Variants in TARBP1 observed in about 807,000 individuals in gnomAD.
TARBP1 encodes tRNA (guanosine(18)-2'-O)-methyltransferase TARBP1.
Under a neutral mutation model 178.6 loss-of-function variants are expected in TARBP1, and 144 were observed. The ratio of observed to expected loss-of-function variants is 0.81; its 90% confidence interval spans 0.70 to 0.93. The LOEUF is 0.93. Among genes scored for constraint, TARBP1 ranks in the 40% least tolerant of loss-of-function variants. The pLI, the probability that TARBP1 is intolerant of heterozygous loss-of-function variation, is 0.00. For synonymous variants in TARBP1, 787 were observed against 781.0 expected (o/e 1.01, Z -0.13); for missense variants, 2,067 against 2,011.7 (o/e 1.03, Z -0.53).
intron 25 of TARBP1, among the ~76,000 whole-genome samples, chr1:234,400,044 A>C (rs1445993131): frequency 2.5e-5 from 1 of 40,194 alleles, no homozygotes; most frequent in African/African-American, 9.4e-5. Flanking sequence ...AATAATAATA[A>C]AATAAAAACA....
rs74869729 is a variant in TARBP1, at chr1:234,425,752, T to G, written c.3365A>C (p.Lys1122Thr). ...GGAGCCATCTAATAAACACAGGAAT[T>G]TGACAGCACAAATTCTCACATAATG... Reference protein sequence around the residue: ...EDHYVRICAVKFLCLLDGSNM... With the variant: ...EDHYVRICAVTFLCLLDGSNM... The change falls in exon 20 of 30, where the codon AAA (lysine) becomes ACA (threonine). Residue 1122 changes from lysine to threonine, a missense_variant. Physicochemically the swap from Lys to Thr is moderately conservative, Grantham distance 78 (BLOSUM62 -1). Transcript: ENST00000040877. 1 of 1,604,834 alleles carries G rather than the reference T, an allele frequency of 6.2e-7. No homozygotes were observed. Among genetic ancestry groups the G allele is most frequent in the Non-Finnish European group, 8.5e-7 (1 of 1,172,402 alleles).
rs998547532 is a variant in TARBP1 at position 234,427,730 on chromosome 1, T to C, written c.3097A>G (p.Thr1033Ala). 2 of 1,474,290 alleles carry C rather than the reference T, an allele frequency of 1.4e-6. No homozygotes were observed. The highest frequency in any genetic ancestry group is 1.8e-6 in the Non-Finnish European group (2 of 1,115,996). 91.3% of individuals were successfully genotyped at this position (1,474,290 alleles called of 1,614,324 possible). A position where few individuals can be genotyped will look rare whatever the true frequency, so the allele number is the denominator to read the frequency against. Residue 1033 changes from threonine to alanine, a missense_variant, in exon 18 of 30, where the codon ACT becomes GCT. Physicochemically the swap from Thr to Ala is moderately conservative, Grantham distance 58. Transcript: ENST00000040877. ...CTTATCAGTGTATTGAAGACTCCAG[T>C]CTTTATAGCAGACATTTCAATTATC... is the stretch of plus-strand genomic sequence containing the variant. The part of the protein sequence containing the change: ...YKIIEMSAIK[T>A]GVFNTLISYC...
chr1:234,417,180 G>A (rs550127590), intron 22 of TARBP1, among the ~76,000 whole-genome samples: 49 of 152,262 alleles, frequency 3.2e-4, no homozygotes, highest in Non-Finnish European at 5.3e-4. Flanking sequence ...AAATGGAGTG[G>A]ACCTCAGTGA....
intron 26 of TARBP1, among the ~76,000 whole-genome samples, chr1:234,394,367 G>A (rs1266922326): frequency 6.6e-6 from 1 of 152,256 alleles, no homozygotes; most frequent in African/African-American, 2.4e-5. Context: ...TGAGGACACA[G>A]AACGTTACTA....
intron 12 of TARBP1, among the ~76,000 whole-genome samples, chr1:234,445,824 T>C (rs1256194147): frequency 6.6e-6 from 1 of 151,834 alleles, no homozygotes; most frequent in African/African-American, 2.4e-5. Flanking sequence ...ATATATAACT[T>C]TTATATAACT....
At position 234,427,713 on chromosome 1, in the gene TARBP1, T is replaced by C. The variant is rs756856240; in HGVS notation, c.3114A>G (p.Thr1038=). ...MSAIKTGVFN[T]LISYCCQSWI... is the part of the protein sequence containing the mutation. ...AAGACTGACAGCAGTAACTTATCAG[T>C]GTATTGAAGACTCCAGTCTTTATAG... is the stretch of plus-strand genomic sequence containing the variant. The change falls in exon 18 of 30, where the codon ACA becomes ACG. Residue 1038 remains threonine (T), a synonymous_variant. Transcript: ENST00000040877. 1.3e-6 allele frequency: 2 copies of C among 1,528,854 alleles called. No homozygotes were observed. Among genetic ancestry groups the C allele is most frequent in the Admixed American group, 2.4e-5 (1 of 41,676 alleles). The allele number at this position is 1,528,854 out of a possible 1,614,324, so 94.7% of individuals were successfully genotyped here. A position where few individuals can be genotyped will look rare whatever the true frequency, so the allele number is the denominator to read the frequency against.
chr1:234,402,272 G>A (rs1412480811), intron 24 of TARBP1, among the ~76,000 whole-genome samples: 1 of 152,170 alleles, frequency 6.6e-6, no homozygotes, highest in African/African-American at 2.4e-5. Flanking sequence ...TTTCTGCACT[G>A]TTCAACTTCC....
Position 234,465,642 on chromosome 1 carries a change from T to C in TARBP1, c.1301+14A>G. 4 of 1,556,344 alleles carry C rather than the reference T, an allele frequency of 2.6e-6. No individual in the cohort carries two copies. The highest frequency in any genetic ancestry group is 1.3e-5 in the South Asian group (1 of 79,236). ...TGTATGTATCAAATACTTCATAACA[T>C]AATGTCTCTTTACCTGCTATACAGA... On this transcript the variant is annotated intron_variant, in intron 5 of 29. Coordinates refer to ENST00000040877, the MANE Select transcript of TARBP1 (RefSeq NM_005646.4).
At chr1:234,399,091 C>A (rs1660419380) in intron 25 of TARBP1, among the ~76,000 whole-genome samples, 1 of 152,220 alleles carries the variant, frequency 6.6e-6, no homozygotes, top group South Asian at 2.1e-4. Flanking sequence ...CAGATTACAA[C>A]AACATATTAA....
At chr1:234,421,145 A>G (rs1663041426) in intron 20 of TARBP1, among the ~76,000 whole-genome samples, 2 of 152,026 alleles carry the variant, frequency 1.3e-5, no homozygotes, top group East Asian at 1.9e-4. Flanking sequence ...CTGGAGTGCA[A>G]TGGCGTGATC....
chr1:234,455,326 TC>T (rs1390915243), intron 9 of TARBP1, among the ~76,000 whole-genome samples: 4 of 152,204 alleles, frequency 2.6e-5, no homozygotes, highest in Admixed American at 6.5e-5. Context: ...ATTCTAGGAC[TC>T]CATTCTGCAG....
At chr1:234,469,077 T>TAAAAAAAAAAAAAAAAAAAAAAAAAAA (rs1327979551) in intron 3 of TARBP1, among the ~76,000 whole-genome samples, 1 of 63,764 alleles carries the variant, frequency 1.6e-5, no homozygotes, top group Non-Finnish European at 2.9e-5. Context: ...TTTTTTTTTT[T>TAAAAAAAAAAAAAAAAAAAAAAAAAAA]AAAAAAAAAA....
rs1274322659 is a variant in TARBP1, at chr1:234,422,567, T to A, written c.3445-1755A>T. ...GAACTCATGGAGATAGAAAATAGAA[T>A]GATGGTTGCCACAGAGGCTGGGAGG... On this transcript the variant is annotated intron_variant, in intron 20 of 29. Transcript: ENST00000040877. 3.3e-5 allele frequency among the ~76,000 whole-genome samples: 5 copies of A among 151,790 alleles called. No individual in the cohort carries two copies. In the East Asian group the frequency reaches 9.7e-4, roughly 29 times the overall value.
intron 26 of TARBP1, among the ~76,000 whole-genome samples, chr1:234,396,633 A>G (rs1472669722): frequency 6.6e-6 from 1 of 152,156 alleles, no homozygotes; most frequent in Non-Finnish European, 1.5e-5. Context: ...GAATGAATAA[A>G]TTTAGGATAG....
At position 234,424,401 on chromosome 1, in the gene TARBP1, C is replaced by T. The variant is rs139118473; in HGVS notation, c.3444+1272G>A. Among the ~76,000 whole-genome samples, 108 of 152,312 alleles carry T rather than the reference C, an allele frequency of 7.1e-4. 1 individual carries two copies. The East Asian group carries it at 0.011, about 16-fold the overall frequency. On this transcript the variant is annotated intron_variant, in intron 20 of 29. Coordinates refer to ENST00000040877, the MANE Select transcript of TARBP1 (RefSeq NM_005646.4). The stretch of plus-strand genomic sequence containing the variant: ...ATGATTTAGCAGGCTCAAAAACAAC[C>T]TAACTGGATTGTTTTTATCTGAATA...
chr1:234,425,156 C>T (rs867025313), intron 20 of TARBP1, among the ~76,000 whole-genome samples: 62 of 152,022 alleles, frequency 4.1e-4, no homozygotes, highest in African/African-American at 1.4e-3. Context: ...ACCTGGGAGG[C>T]GGAGGTTGCA....
chr1:234,461,306 G>T (rs1050981687), intron 6 of TARBP1, among the ~76,000 whole-genome samples: 8 of 146,510 alleles, frequency 5.5e-5, no homozygotes, highest in Middle Eastern at 7.1e-3. Context: ...GTAATTTTTT[G>T]TTTGTTTGTT....
chr1:234,448,314 T>C (rs1176458433), intron 11 of TARBP1, among the ~76,000 whole-genome samples, 166 bp downstream of exon 11: 1 of 152,246 alleles, frequency 6.6e-6, no homozygotes, highest in Non-Finnish European at 1.5e-5. Flanking sequence ...CCTATTCCTA[T>C]TTGTTATTAA....
chr1:234,402,240 T>C (rs1210234013), intron 24 of TARBP1, among the ~76,000 whole-genome samples: 1 of 152,248 alleles, frequency 6.6e-6, no homozygotes, highest in Non-Finnish European at 1.5e-5. Context: ...GGAAGGAGAC[T>C]GTCTCGTTTT....
Sources: allele counts gnomAD v4.1 joint callset (sites outside exome capture counted in the v4.1 genomes callset), GRCh38; gene constraint gnomAD v4.1.1; transcripts MANE v1.5; gene names NCBI Gene and HGNC (gene_info 2026-07-23, HGNC 2026-07-21).